MKNK2: variants seen among roughly 807,000 people sequenced by gnomAD.
MKNK2 encodes the protein MAP kinase-interacting serine/threonine-protein kinase 2.
MKNK2 carries 54 observed loss-of-function variants against 55.0 expected under a neutral mutation model. The observed-to-expected ratio is 0.98, with a 90% CI of 0.79 to 1.23. The LOEUF (loss-of-function observed/expected upper bound fraction) is 1.23. Ranked by LOEUF, MKNK2 falls within the 50% of genes most tolerant of loss-of-function variation. MKNK2 has a pLI of 0.00. For missense variants in MKNK2, 685 were observed against 632.1 expected, an observed-to-expected ratio of 1.08 and a Z score of -0.90; for synonymous variants, 323 against 256.0, an observed-to-expected ratio of 1.26 and a Z score of -2.50.
Position 2,039,796 on chromosome 19 carries a change from C to T in MKNK2, c.1215G>A (p.Gln405=). 6.2e-7 allele frequency: 1 copy of T among 1,606,472 alleles called. No homozygotes were observed. Among genetic ancestry groups the T allele is most frequent in the Non-Finnish European group, 8.5e-7 (1 of 1,179,324 alleles). ...CCAGGTCCTCGTCGTGCTGGGCCAGCTGCCGGTTCATGGCAATGGCCTCAG... is the reference window on the plus strand; with the variant it reads ...CCAGGTCCTCGTCGTGCTGGGCCAGTTGCCGGTTCATGGCAATGGCCTCAG... ...FAAEAIAMNR[Q]LAQHDEDLAE... Residue 405 remains glutamine, a synonymous_variant, in exon 14 of 14, where the codon CAG becomes CAA. Coordinates refer to ENST00000250896, the MANE Select transcript of MKNK2 (RefSeq NM_199054.3).
Position 2,042,876 on chromosome 19 carries a change from C to G in MKNK2, c.494-6G>C. 6.4e-7 allele frequency: 1 copy of G among 1,556,214 alleles called. No individual in the cohort carries two copies. The highest frequency in any genetic ancestry group is 8.7e-7 in the Non-Finnish European group (1 of 1,149,904). On this transcript the variant is annotated splice_polypyrimidine_tract_variant and splice_region_variant and intron_variant, in intron 7 of 13. Transcript: ENST00000250896. The stretch of plus-strand genomic sequence containing the variant: ...GATGTGGCTCAGGATGGAGCCTGGG[C>G]AGGGCAGGGCAGGGCAGGACAGGGG...
chr19:2,040,517 T>C (rs1041121780), intron 12 of MKNK2: 1 of 356,412 alleles, frequency 2.8e-6, no homozygotes, highest in African/African-American at 2.1e-5. Context: ...GGTCTCTGGA[T>C]GCTTCTGCAA....
chr19:2,037,644 T>TG lies in MKNK2; in HGVS notation c.*1968_*1969insC. Reference sequence around the variant, plus strand: ...AAAACTTTTGAGGTTTTTTTTTTTTTTTTGTCTTTTAAAAACATCGTAACA... The same window carrying TG: ...AAAACTTTTGAGGTTTTTTTTTTTTTGTTTGTCTTTTAAAAACATCGTAACA... On this transcript the variant is annotated 3_prime_UTR_variant, in exon 14 of 14. Transcript: ENST00000250896. The TG allele has an allele frequency of 1.1e-6, 1 of 939,566 alleles. No individual in the cohort carries two copies. The highest frequency in any genetic ancestry group is 1.4e-6 in the Non-Finnish European group (1 of 692,256). The allele number at this position is 939,566 out of a possible 1,614,324, so 58.2% of individuals were successfully genotyped here. A position where few individuals can be genotyped will look rare whatever the true frequency, so the allele number is the denominator to read the frequency against.
intron 2 of MKNK2, among the ~76,000 whole-genome samples, chr19:2,050,210 G>A (rs1404532305): frequency 2.0e-5 from 3 of 152,214 alleles, no homozygotes; most frequent in Non-Finnish European, 4.4e-5. Flanking sequence ...ACAGGAAACA[G>A]CACTTGGGCC....
At position 2,041,035 on chromosome 19, in the gene MKNK2, C is replaced by G; in HGVS notation, c.1110+5G>C. On this transcript the variant is annotated splice_donor_5th_base_variant and intron_variant, in intron 12 of 13. Coordinates refer to ENST00000250896, the MANE Select transcript of MKNK2 (RefSeq NM_199054.3). ...CCTCCTGCCGCCCGTGCGGCTGGTA[C>G]TCACCCCCTGAACCCAGGGGTGCTG... is the stretch of plus-strand genomic sequence containing the variant. The G allele has an allele frequency of 6.2e-7, 1 of 1,613,734 alleles. No individual in the cohort carries two copies. Among genetic ancestry groups the G allele is most frequent in the South Asian group, 1.1e-5 (1 of 91,084 alleles).
rs2016773855 is a variant in MKNK2, at chr19:2,037,606, C to T, written c.*2007G>A. On this transcript the variant is annotated 3_prime_UTR_variant, in exon 14 of 14. Transcript: ENST00000250896. ...GGAATTAAAGTGCTTGGATGTTTTT[C>T]CCCCACTTTAAAAAAACTTTTGAGG... 4.6e-6 allele frequency: 3 copies of T among 645,864 alleles called. No individual in the cohort carries two copies. Among genetic ancestry groups the T allele is most frequent in the Middle Eastern group, 9.5e-4 (2 of 2,102 alleles). The allele number at this position is 645,864 out of a possible 1,614,324, so 40.0% of individuals were successfully genotyped here.
At chr19:2,041,288 AACCAGGCCCTAG>A (rs758558425) in intron 11 of MKNK2, 84 bp from the exon 12 acceptor site, 244 of 1,470,494 alleles carry the variant, frequency 1.7e-4, no homozygotes, top group African/African-American at 3.6e-4. Flanking sequence ...ACCGGACCCC[AACCAGGCCCTAG>A]ACCAGGCCCT....
rs1296267578 is a variant in MKNK2 at position 2,046,644 on chromosome 19, G to A, written c.99C>T (p.His33=). The A allele has an allele frequency of 1.9e-6, 3 of 1,564,782 alleles. No homozygotes were observed. The highest frequency in any genetic ancestry group is 2.6e-6 in the Non-Finnish European group (3 of 1,156,162). Residue 33 remains histidine (H), a synonymous_variant, in exon 3 of 14, where the codon CAC becomes CAT. Transcript: ENST00000250896. Reference sequence around the variant, plus strand: ...ACTGCAGGCCAAAGTCAGAGTCTCCGTGGTCGGGCTGGTCTAGGGAGAAGG... The same window carrying A: ...ACTGCAGGCCAAAGTCAGAGTCTCCATGGTCGGGCTGGTCTAGGGAGAAGG... ...ELAFSLDQPD[H]GDSDFGLQCS...
In MKNK2 at chr19:2,045,160, C is replaced by T. The variant is rs531182694; in HGVS notation, c.339+1026G>A. ...GAAGTCCCCCAGGCTCTGCAGATCC[C>T]AACACTGACCACACCAGGTCAATGT... is the stretch of plus-strand genomic sequence containing the variant. On this transcript the variant is annotated intron_variant, in intron 5 of 13. Coordinates refer to ENST00000250896, the MANE Select transcript of MKNK2 (RefSeq NM_199054.3). 1.5e-4 allele frequency among the ~76,000 whole-genome samples: 23 copies of T among 152,290 alleles called. No individual in the cohort carries two copies. In the South Asian group the frequency reaches 4.8e-3, roughly 32 times the overall value.
At chr19:2,049,936 T>A (rs1035119121) in intron 2 of MKNK2, among the ~76,000 whole-genome samples, 2 of 152,096 alleles carry the variant, frequency 1.3e-5, no homozygotes, top group South Asian at 2.1e-4. Flanking sequence ...CACACACACA[T>A]ACACTCACAC....
At chr19:2,051,019 G>T (rs2017107120) in intron 1 of MKNK2, 72 bp from the exon 2 acceptor site, 2 of 393,788 alleles carry the variant, frequency 5.1e-6, no homozygotes, top group East Asian at 4.2e-5. Context: ...ACCGGGCGGG[G>T]GCGGCGAGGG....
rs551266455 is a variant in MKNK2 at position 2,037,526 on chromosome 19, T to C, written c.*2087A>G. The C allele has an allele frequency of 3.6e-5, 14 of 391,398 alleles. No homozygotes were observed. In the Admixed American group the frequency reaches 4.4e-4, roughly 12 times the overall value. 24.2% of individuals were successfully genotyped at this position (391,398 alleles called of 1,614,324 possible). A position where few individuals can be genotyped will look rare whatever the true frequency, so the allele number is the denominator to read the frequency against. ...CAAAACAGAATACAAAATTCCGGCA[T>C]TGACAGTTGGTGTAAAGGAAAACTT... On this transcript the variant is annotated 3_prime_UTR_variant, in exon 14 of 14. Transcript: ENST00000250896.
Position 2,046,176 on chromosome 19 carries a change from G to A in MKNK2, c.339+10C>T, listed in dbSNP as rs370493344. 1.0e-5 allele frequency: 16 copies of A among 1,607,226 alleles called. No homozygotes were observed. The highest frequency in any genetic ancestry group is 2.7e-5 in the African/African-American group (2 of 74,926). On this transcript the variant is annotated intron_variant, in intron 5 of 13. Coordinates refer to ENST00000250896, the MANE Select transcript of MKNK2 (RefSeq NM_199054.3). ...GGCGCTGGGTTCCCCAGGGCGCGGC[G>A]CGGGCCCACCTTGACGGCGTACTCC...
rs922253942 is a variant in MKNK2 at position 2,039,067 on chromosome 19, C to G, written c.*546G>C. On this transcript the variant is annotated 3_prime_UTR_variant, in exon 14 of 14. Coordinates refer to ENST00000250896, the MANE Select transcript of MKNK2 (RefSeq NM_199054.3). ...CTGCCACCTGCCTGCCTGACACCTC[C>G]AGAGACAGGCAGCCCCTCCCTTCCC... is the stretch of plus-strand genomic sequence containing the variant. 8.1e-6 allele frequency: 8 copies of G among 986,774 alleles called. No homozygotes were observed. In the African/African-American group the frequency reaches 1.4e-4, roughly 17 times the overall value. The allele number at this position is 986,774 out of a possible 1,614,324, so 61.1% of individuals were successfully genotyped here.
intron 6 of MKNK2, 78 bp from the exon 7 acceptor site, chr19:2,043,275 G>A (rs2016932242): frequency 8.0e-7 from 1 of 1,246,060 alleles, no homozygotes; most frequent in African/African-American, 1.5e-5. Context: ...CCTAGGAGGG[G>A]CCCACCCTCT....
At chr19:2,041,524 T>C (rs1356042597) in intron 11 of MKNK2, among the ~76,000 whole-genome samples, 2 of 152,176 alleles carry the variant, frequency 1.3e-5, no homozygotes, top group African/African-American at 4.8e-5. Flanking sequence ...CTCTGAACCC[T>C]GTCTGGGGTT....
rs2016787990 is a variant in MKNK2 at position 2,037,967 on chromosome 19, T to C, written c.*1646A>G. The C allele has an allele frequency of 2.9e-6, 4 of 1,377,956 alleles. No individual in the cohort carries two copies. Among genetic ancestry groups the C allele is most frequent in the Non-Finnish European group, 2.8e-6 (3 of 1,055,738 alleles). The allele number at this position is 1,377,956 out of a possible 1,614,324, so 85.4% of individuals were successfully genotyped here. A position where few individuals can be genotyped will look rare whatever the true frequency, so the allele number is the denominator to read the frequency against. On this transcript the variant is annotated 3_prime_UTR_variant, in exon 14 of 14. Coordinates refer to ENST00000250896, the MANE Select transcript of MKNK2 (RefSeq NM_199054.3). ...ATACAAAAAGGCAGAGAATCCCCCG[T>C]TACGAAACATGGAATCACTGACAGG... is the stretch of plus-strand genomic sequence containing the variant.
Position 2,043,159 on chromosome 19 carries a change from T to C in MKNK2, c.458A>G (p.Asp153Gly). The C allele has an allele frequency of 6.2e-7, 1 of 1,611,758 alleles. No individual in the cohort carries two copies. The highest frequency in any genetic ancestry group is 8.5e-7 in the Non-Finnish European group (1 of 1,179,068). ...LELIEFFEEE[D>G]RFYLVFEKMR... is the part of the protein sequence containing the mutation. ...CTTCTCAAACACCAGGTAGAAGCGGTCCTCCTCCTCGAAGAACTCAATCAG... is the reference window on the plus strand; with the variant it reads ...CTTCTCAAACACCAGGTAGAAGCGGCCCTCCTCCTCGAAGAACTCAATCAG... Residue 153 changes from aspartate (D) to glycine (G), a missense_variant, in exon 7 of 14, where the codon GAC (aspartate) becomes GGC (glycine). Asp to Gly is a moderately conservative substitution (Grantham distance 94, BLOSUM62 -1). Coordinates refer to ENST00000250896, the MANE Select transcript of MKNK2 (RefSeq NM_199054.3).
chr19:2,041,696 T>C (rs2016886289), intron 11 of MKNK2, 144 bp downstream of exon 11: 2 of 635,174 alleles, frequency 3.1e-6, no homozygotes, highest in South Asian at 4.0e-5. Flanking sequence ...ACAGGGCAGG[T>C]CCCCGAGGGT....
Sources: allele counts gnomAD v4.1 joint callset (sites outside exome capture counted in the v4.1 genomes callset), GRCh38; gene constraint gnomAD v4.1.1; transcripts MANE v1.5; gene names NCBI Gene and HGNC (gene_info 2026-07-23, HGNC 2026-07-21).